Variants in FOXO1 observed in about 807,000 individuals in gnomAD.
FOXO1 encodes the protein forkhead box O1, also known as forkhead box protein O1.
A neutral mutation model predicts 44.1 loss-of-function variants in FOXO1; 6 were observed. The ratio of observed to expected loss-of-function variants is 0.14; its 90% CI spans 0.07 to 0.27. The LOEUF is 0.27. Among genes scored for constraint, FOXO1 ranks in the 10% least tolerant of loss-of-function variants. FOXO1 has a pLI of 1.00. For synonymous variants in FOXO1, 380 were observed against 362.7 expected, an observed-to-expected ratio of 1.05 and a Z score of -0.54; for missense variants, 737 against 888.8, an observed-to-expected ratio of 0.83 and a Z score of 2.17.
intron 1 of FOXO1, among the ~76,000 whole-genome samples, chr13:40,593,262 A>C (rs1683865999): frequency 6.6e-6 from 1 of 152,194 alleles, no homozygotes; most frequent in Non-Finnish European, 1.5e-5. Flanking sequence ...TCCTGGGATC[A>C]AGTGATCCGC....
intron 1 of FOXO1, among the ~76,000 whole-genome samples, chr13:40,604,239 T>C (rs769278049): frequency 6.6e-6 from 1 of 151,822 alleles, no homozygotes; most frequent in Non-Finnish European, 1.5e-5. Flanking sequence ...ACACTTTAAA[T>C]GTGTGTCACT....
At chr13:40,627,380 G>A (rs561207214) in intron 1 of FOXO1, among the ~76,000 whole-genome samples, 1 of 152,302 alleles carries the variant, frequency 6.6e-6, no homozygotes, top group East Asian at 1.9e-4. Context: ...AAATGCTGAG[G>A]AAATGTTCAA....
intron 1 of FOXO1, among the ~76,000 whole-genome samples, chr13:40,649,662 AT>A (rs1428822610): frequency 2.0e-5 from 3 of 152,258 alleles, no homozygotes; most frequent in African/African-American, 4.8e-5. Flanking sequence ...AATTATTTTA[AT>A]TTTTTTCTTA....
chr13:40,559,464 A>C (rs1873889766), intron 2 of FOXO1, 45 bp downstream of exon 2: 1 of 1,506,872 alleles, frequency 6.6e-7, no homozygotes, highest in Admixed American at 2.2e-5. Context: ...CCTCGCTTTT[A>C]AGTTCTATTT....
At chr13:40,598,419 G>A (rs1875678593) in intron 1 of FOXO1, among the ~76,000 whole-genome samples, 1 of 151,850 alleles carries the variant, frequency 6.6e-6, no homozygotes, top group Non-Finnish European at 1.5e-5. Context: ...GACCATTTCT[G>A]ATATATTATT....
chr13:40,638,865 G>T (rs556699084), intron 1 of FOXO1, among the ~76,000 whole-genome samples: 22 of 151,788 alleles, frequency 1.4e-4, no homozygotes, highest in Non-Finnish European at 2.6e-4. Context: ...TGGAAGGAAG[G>T]GGGGCAGGGC....
intron 1 of FOXO1, among the ~76,000 whole-genome samples, chr13:40,645,920 G>C (rs1232724942): frequency 1.3e-5 from 2 of 151,936 alleles, no homozygotes; most frequent in Admixed American, 1.3e-4. Context: ...TACAAAACTA[G>C]CCGGGCATGG....
chr13:40,618,103 G>A (rs1876487675), intron 1 of FOXO1, among the ~76,000 whole-genome samples: 1 of 151,844 alleles, frequency 6.6e-6, no homozygotes, highest in Non-Finnish European at 1.5e-5. Flanking sequence ...GGTGAGACAC[G>A]GTCCCAGCTC....
At chr13:40,662,799 G>A (rs905566545) in intron 1 of FOXO1, among the ~76,000 whole-genome samples, 1 of 152,076 alleles carries the variant, frequency 6.6e-6, no homozygotes, top group African/African-American at 2.4e-5. Context: ...ACCTCTCCTC[G>A]GTCCTAAAAC....
chr13:40,663,537 T>A (rs914186542), intron 1 of FOXO1, among the ~76,000 whole-genome samples: 6 of 152,148 alleles, frequency 3.9e-5, no homozygotes, highest in Admixed American at 6.5e-5. Flanking sequence ...ATTTTTTTTT[T>A]AAATGGCTAA....
At chr13:40,595,750 T>TTCTATGC in intron 1 of FOXO1, among the ~76,000 whole-genome samples, 1 of 152,264 alleles carries the variant, frequency 6.6e-6, no homozygotes, top group Non-Finnish European at 1.5e-5. Context: ...CCCTGATCAC[T>TTCTATGC]TCTATGCTCT....
At chr13:40,641,977 C>T (rs778010434) in intron 1 of FOXO1, among the ~76,000 whole-genome samples, 1 of 152,112 alleles carries the variant, frequency 6.6e-6, no homozygotes, top group Non-Finnish European at 1.5e-5. Context: ...CACAGCAATA[C>T]TCCATCTCAA....
At chr13:40,586,361 T>C (rs1256099127) in intron 1 of FOXO1, among the ~76,000 whole-genome samples, 2 of 152,136 alleles carry the variant, frequency 1.3e-5, no homozygotes, top group South Asian at 4.1e-4. Flanking sequence ...CAGGATATGC[T>C]TTCTCTCTCT....
At chr13:40,609,373 G>T (rs1478317667) in intron 1 of FOXO1, among the ~76,000 whole-genome samples, 1 of 152,058 alleles carries the variant, frequency 6.6e-6, no homozygotes, top group Non-Finnish European at 1.5e-5. Context: ...TGGAAAGGAT[G>T]TAATTTTTTA....
At chr13:40,608,004 A>G (rs539154063) in intron 1 of FOXO1, among the ~76,000 whole-genome samples, 1 of 151,026 alleles carries the variant, frequency 6.6e-6, no homozygotes, top group South Asian at 2.1e-4. Context: ...TGTTAGTAAC[A>G]TGTCTCTCAT....
intron 1 of FOXO1, among the ~76,000 whole-genome samples, chr13:40,568,026 G>A (rs1299914081): frequency 6.6e-6 from 1 of 152,050 alleles, no homozygotes; most frequent in Non-Finnish European, 1.5e-5. Flanking sequence ...CTTCTTTATG[G>A]CAGGAATCCA....
chr13:40,607,237 G>A (rs1876032173), intron 1 of FOXO1, among the ~76,000 whole-genome samples: 1 of 152,194 alleles, frequency 6.6e-6, no homozygotes, highest in Non-Finnish European at 1.5e-5. Flanking sequence ...AAACCGGAGG[G>A]CGTTGCAACC....
chr13:40,564,664 A>G (rs1415109169), intron 1 of FOXO1, among the ~76,000 whole-genome samples: 1 of 152,186 alleles, frequency 6.6e-6, no homozygotes, highest in Non-Finnish European at 1.5e-5. Flanking sequence ...GCTCTGAAAT[A>G]TTATGCCCTT....
chr13:40,558,647 C>G lies in FOXO1; in HGVS notation c.*402G>C. 1 of 393,178 alleles carries G rather than the reference C, an allele frequency of 2.5e-6. No homozygotes were observed. The highest frequency in any genetic ancestry group is 4.5e-6 in the Non-Finnish European group (1 of 222,958). 24.4% of individuals were successfully genotyped at this position (393,178 alleles called of 1,614,324 possible). On this transcript the variant is annotated 3_prime_UTR_variant, in exon 3 of 3. Transcript: ENST00000379561. ...GTATTACAAAAAGAGTATAAACTTT[C>G]CTTGGACCAATTGGATATTTAGAAA...
Sources: gnomAD v4.1 joint callset for allele counts (sites outside exome capture counted in the v4.1 genomes callset) on GRCh38, gnomAD v4.1.1 for gene constraint, MANE v1.5 for transcripts, NCBI Gene and HGNC (gene_info 2026-07-23, HGNC 2026-07-21) for gene names.